Variants in SHROOM4 observed in about 807,000 individuals in gnomAD.
SHROOM4 encodes shroom family member 4, also known as protein Shroom4.
In SHROOM4, 17 loss-of-function variants were observed where a neutral mutation model predicts 80.3. The observed-to-expected ratio is 0.21, with a 90% CI of 0.14 to 0.32. The LOEUF (loss-of-function observed/expected upper bound fraction) is 0.32, where lower values mean the gene tolerates loss of function less well. SHROOM4 is among the 10% of genes least tolerant of loss of function. The probability of loss-of-function intolerance (pLI) is 1.00; values close to 1 mark genes in which losing one functional copy is unlikely to be tolerated. For synonymous variants in SHROOM4, 400 were observed against 437.5 expected, an observed-to-expected ratio of 0.91 and a Z score of 1.07; for missense variants, 993 against 1,140.3, an observed-to-expected ratio of 0.87 and a Z score of 1.86.
At chrX:50,600,893 C>T (rs895981779) in intron 7 of SHROOM4, among the ~76,000 whole-genome samples, 5 of 112,120 alleles carry the variant, frequency 4.5e-5, no homozygotes, top group African/African-American at 1.6e-4. Context: ...ACCATCTGCT[C>T]TCCCAAATAA....
At chrX:50,636,808 C>A (rs1226756476) in intron 3 of SHROOM4, among the ~76,000 whole-genome samples, 1 of 112,044 alleles carries the variant, frequency 8.9e-6, no homozygotes, top group African/African-American at 3.2e-5. Context: ...CAGCTGGAAT[C>A]TGAATCAGGC....
chrX:50,804,795 C>T (rs181274116), intron 1 of SHROOM4, among the ~76,000 whole-genome samples: 20 of 112,098 alleles, frequency 1.8e-4, no homozygotes, highest in Admixed American at 1.2e-3. Flanking sequence ...CATGTCTAGG[C>T]TTTGACCACC....
At chrX:50,690,683 T>TA (rs1455584589) in intron 2 of SHROOM4, among the ~76,000 whole-genome samples, 9 of 112,899 alleles carry the variant, frequency 8.0e-5, no homozygotes, top group Non-Finnish European at 9.4e-5. Context: ...TAAGCGTGTG[T>TA]AGGCTGGGCT....
chrX:50,586,166 TAA>T (rs782368884), downstream of SHROOM4, among the ~76,000 whole-genome samples: 13 of 112,085 alleles, frequency 1.2e-4, no homozygotes, highest in Non-Finnish European at 2.3e-4. Context: ...CTCTCAATTA[TAA>T]GTTATCATTT....
chrX:50,763,655 T>TC (rs1935207689), intron 1 of SHROOM4, among the ~76,000 whole-genome samples: 1 of 111,723 alleles, frequency 9.0e-6, no homozygotes, highest in African/African-American at 3.3e-5. Context: ...TACCTCAGAG[T>TC]AGCTCCTGGG....
chrX:50,695,770 T>C lies in SHROOM4; in HGVS notation c.269+16A>G. 8.3e-7 allele frequency: 1 copy of C among 1,210,743 alleles called. No individual in the cohort carries two copies. Among genetic ancestry groups the C allele is most frequent in the Non-Finnish European group, 1.1e-6 (1 of 894,685 alleles). ...AGTGGCCTCTGCACCTTACGGAGAA[T>C]CTCCCTGTACCTTACCTCCTGACAA... On this transcript the variant is annotated intron_variant, in intron 2 of 8. Coordinates refer to ENST00000376020, the MANE Select transcript of SHROOM4 (RefSeq NM_020717.5).
intron 1 of SHROOM4, 94 bp from the exon 2 acceptor site, chrX:50,696,031 T>A: frequency 9.9e-7 from 1 of 1,005,749 alleles, no homozygotes; most frequent in Non-Finnish European, 1.4e-6. Context: ...CCACAAGTAG[T>A]ACTGGGGAAT....
In SHROOM4 at chrX:50,764,510, C is replaced by T. The variant is rs183455685; in HGVS notation, c.117+49392G>A. ...TTGGCTATACCTGCCCAAAGTATAGCTTCCACGACAAAGAGCTGGGTTGGG... is the reference window on the plus strand; with the variant it reads ...TTGGCTATACCTGCCCAAAGTATAGTTTCCACGACAAAGAGCTGGGTTGGG... On this transcript the variant is annotated intron_variant, in intron 1 of 8. Coordinates refer to ENST00000376020, the MANE Select transcript of SHROOM4 (RefSeq NM_020717.5). 3.9e-3 allele frequency among the ~76,000 whole-genome samples: 431 copies of T among 111,339 alleles called. 2 individuals are homozygous for T. The highest frequency in any genetic ancestry group is 0.013 in the African/African-American group (397 of 30,646).
At chrX:50,635,864 G>A (rs1483810227) in intron 3 of SHROOM4, among the ~76,000 whole-genome samples, 196 bp from the exon 4 acceptor site, 1 of 109,852 alleles carries the variant, frequency 9.1e-6, no homozygotes, top group African/African-American at 3.3e-5. Flanking sequence ...TGGGACACAA[G>A]ATGATATATG....
At chrX:50,763,204 T>G (rs782538220) in intron 1 of SHROOM4, among the ~76,000 whole-genome samples, 4 of 111,796 alleles carry the variant, frequency 3.6e-5, no homozygotes, top group Admixed American at 9.5e-5. Flanking sequence ...CTTTCCATTG[T>G]TGTAATTTAC....
At chrX:50,754,839 T>C (rs1240320178) in intron 1 of SHROOM4, among the ~76,000 whole-genome samples, 1 of 112,190 alleles carries the variant, frequency 8.9e-6, no homozygotes, top group Non-Finnish European at 1.9e-5. Flanking sequence ...CTGTCTCCAC[T>C]ACCAGTTTTG....
intron 2 of SHROOM4, among the ~76,000 whole-genome samples, chrX:50,675,067 T>C (rs1284832987): frequency 1.8e-5 from 2 of 111,833 alleles, no homozygotes; most frequent in East Asian, 5.6e-4. Context: ...GAGAGGACAC[T>C]GTATTCAGGG....
At chrX:50,727,073 G>T (rs1447983891) in intron 1 of SHROOM4, among the ~76,000 whole-genome samples, 2 of 113,320 alleles carry the variant, frequency 1.8e-5, no homozygotes, top group African/African-American at 6.4e-5. Context: ...TGCCCTGGAT[G>T]TGAGACATGG....
chrX:50,813,283 T>C (rs1046298132), intron 1 of SHROOM4, among the ~76,000 whole-genome samples: 5 of 111,398 alleles, frequency 4.5e-5, no homozygotes, highest in Non-Finnish European at 7.6e-5. Flanking sequence ...TCGCCGGCGC[T>C]GGGGCAGGAC....
At chrX:50,577,901 AC>A in the SHROOM4 span, among the ~76,000 whole-genome samples, 2 of 111,311 alleles carry the variant, frequency 1.8e-5, no homozygotes, top group African/African-American at 3.3e-5. Flanking sequence ...GGACACTGAT[AC>A]CCCCCCAGCA....
chrX:50,622,190 A>T lies in SHROOM4; in HGVS notation c.2957+5424T>A, dbSNP rs782557622. ...TATTATACCTGTTGTGGCTGCTGTT[A>T]ATGGTATAATACCTTTTCTGAGTCT... On this transcript the variant is annotated intron_variant, in intron 5 of 8. Coordinates refer to ENST00000376020, the MANE Select transcript of SHROOM4 (RefSeq NM_020717.5). 8.9e-5 allele frequency among the ~76,000 whole-genome samples: 10 copies of T among 111,954 alleles called. No homozygotes were observed. The East Asian group carries it at 2.8e-3, about 31-fold the overall frequency.
rs893386109 is a variant in SHROOM4, at chrX:50,813,818, G to A, written c.117+84C>T. ...CAGCCCTAAGTTTCAAAGTTGGCCTGAGGGCCCCGTCCAGCGGCAGCCTTC... is the reference window on the plus strand; with the variant it reads ...CAGCCCTAAGTTTCAAAGTTGGCCTAAGGGCCCCGTCCAGCGGCAGCCTTC... On this transcript the variant is annotated intron_variant, in intron 1 of 8. Transcript: ENST00000376020. 1.1e-5 allele frequency: 8 copies of A among 747,637 alleles called. No homozygotes were observed. The African/African-American group carries it at 1.7e-4, about 16-fold the overall frequency. 61.6% of individuals were successfully genotyped at this position (747,637 alleles called of 1,213,427 possible). A position where few individuals can be genotyped will look rare whatever the true frequency, so the allele number is the denominator to read the frequency against.
At position 50,608,105 on chromosome X, in the gene SHROOM4, A is replaced by G; in HGVS notation, c.3037T>C (p.Ser1013Pro). 8.3e-7 allele frequency: 1 copy of G among 1,211,708 alleles called. No homozygotes were observed. ...AGAGAAGAAATTGCTCGGTAGCTTG[A>G]CAAGTCCAGTGCTGGGTTCTCAAGG... is the stretch of plus-strand genomic sequence containing the variant. ...PCLENPALDL[S>P]SYRAISSLDL... The change falls in exon 6 of 9, where the codon TCA (serine) becomes CCA (proline). Residue 1013 changes from serine to proline, a missense_variant. Physicochemically the swap from Ser to Pro is moderately conservative, Grantham distance 74. Transcript: ENST00000376020.
At chrX:50,725,202 C>G (rs1367821173) in intron 1 of SHROOM4, among the ~76,000 whole-genome samples, 2 of 112,127 alleles carry the variant, frequency 1.8e-5, no homozygotes, top group Non-Finnish European at 1.9e-5. Flanking sequence ...GATTTCACCC[C>G]AGAAGGGGAA....
Sources: gnomAD v4.1 joint callset for allele counts (sites outside exome capture counted in the v4.1 genomes callset) on GRCh38, gnomAD v4.1.1 for gene constraint, MANE v1.5 for transcripts, NCBI Gene and HGNC (gene_info 2026-07-23, HGNC 2026-07-21) for gene names.